Variants in LAMC3 observed in about 807,000 individuals in gnomAD.
LAMC3 encodes laminin subunit gamma 3, also known as laminin subunit gamma-3.
In LAMC3, 128 loss-of-function variants were observed where a neutral mutation model predicts 173.8. That is an observed-to-expected ratio of 0.74 (90% CI 0.64 to 0.85). The LOEUF (loss-of-function observed/expected upper bound fraction) is 0.85. Ranked by LOEUF, LAMC3 falls within the 40% of genes least tolerant of loss-of-function variation. The probability of loss-of-function intolerance (pLI) is 0.00; values close to 1 mark genes in which losing one functional copy is unlikely to be tolerated. For missense variants in LAMC3, 2,022 were observed against 2,156.0 expected (o/e 0.94, Z 1.23); for synonymous variants, 897 against 909.1 (o/e 0.99, Z 0.24).
intron 2 of LAMC3, among the ~76,000 whole-genome samples, chr9:131,027,786 G>A (rs965846882): frequency 3.3e-5 from 5 of 152,350 alleles, no homozygotes; most frequent in East Asian, 1.9e-4. Context: ...AGATACGCGC[G>A]CATGACAGCT....
chr9:131,059,490 CAAAAAAAAAAAAAAAA>C (rs58064050), intron 12 of LAMC3, among the ~76,000 whole-genome samples: 10 of 64,370 alleles, frequency 1.6e-4, no homozygotes, highest in Non-Finnish European at 2.3e-4. Context: ...GACTCCGTCT[CAAAAAAAAAAAAAAAA>C]AAAAAAAAAA....
chr9:131,084,187 T>C (rs1407571466), intron 24 of LAMC3, among the ~76,000 whole-genome samples: 1 of 151,916 alleles, frequency 6.6e-6, no homozygotes, highest in Non-Finnish European at 1.5e-5. Flanking sequence ...CTGGCCTGTA[T>C]TCAGTTCTTT....
chr9:131,010,365 G>A (rs996412899), intron 1 of LAMC3, among the ~76,000 whole-genome samples: 1 of 152,102 alleles, frequency 6.6e-6, no homozygotes, highest in Non-Finnish European at 1.5e-5. Flanking sequence ...AAAAAAAACA[G>A]GACCTGTACC....
At position 131,036,408 on chromosome 9, in the gene LAMC3, G is replaced by A. The variant is rs961405409; in HGVS notation, c.976+76G>A. ...GGCGGGGAAAGGAACTCCCCAAAAC[G>A]TCGTGGTGGGGGCTGCTCCTGGGTA... On this transcript the variant is annotated intron_variant, in intron 4 of 27. Transcript: ENST00000361069. 3.7e-5 allele frequency: 57 copies of A among 1,545,876 alleles called. No individual in the cohort carries two copies. The East Asian group carries it at 4.3e-4, about 12-fold the overall frequency.
At chr9:131,013,995 G>A (rs370957769) in intron 1 of LAMC3, among the ~76,000 whole-genome samples, 1 of 152,230 alleles carries the variant, frequency 6.6e-6, no homozygotes, top group Non-Finnish European at 1.5e-5. Flanking sequence ...TGGCTGGAAC[G>A]CTGGGCCCTG....
chr9:131,042,689 A>T (rs529084054), intron 7 of LAMC3, among the ~76,000 whole-genome samples: 9 of 149,804 alleles, frequency 6.0e-5, no homozygotes, highest in African/African-American at 2.2e-4. Context: ...TAATGGTGCC[A>T]TATCAAACTT....
At chr9:131,033,671 G>A (rs1246925140) in intron 3 of LAMC3, among the ~76,000 whole-genome samples, 1 of 152,188 alleles carries the variant, frequency 6.6e-6, no homozygotes, top group Non-Finnish European at 1.5e-5. Flanking sequence ...GGGGCAGATA[G>A]GAGGAGAGAG....
At position 131,085,544 on chromosome 9, in the gene LAMC3, C is replaced by T. The variant is rs749904181; in HGVS notation, c.4051C>T (p.Arg1351Trp). The T allele has an allele frequency of 3.6e-5, 58 of 1,613,870 alleles. No homozygotes were observed. The Middle Eastern group carries it at 8.2e-4, about 23-fold the overall frequency. The change falls in exon 25 of 28, where the codon CGG becomes TGG. Residue 1351 changes from arginine to tryptophan, a missense_variant. By Grantham distance (101) the Arg-to-Trp change is moderately radical. Coordinates refer to ENST00000361069, the MANE Select transcript of LAMC3 (RefSeq NM_006059.4). ...TGCAGGAATGAAGCTGCAGTTTCCC[C>T]GGCCCAAGGACCAGGCGGCATTGCA... ...DLEGMKLQFP[R>W]PKDQAALQRK...
chr9:131,060,601 CCACTG>C (rs1277175722), intron 12 of LAMC3, among the ~76,000 whole-genome samples: 1 of 151,902 alleles, frequency 6.6e-6, no homozygotes, highest in Non-Finnish European at 1.5e-5. Context: ...CCAAATTGCA[CCACTG>C]CACTCCAGCC....
chr9:131,031,965 T>C (rs1833831744), intron 2 of LAMC3, 80 bp from the exon 3 acceptor site: 11 of 1,612,156 alleles, frequency 6.8e-6, no homozygotes, highest in Non-Finnish European at 9.3e-6. Flanking sequence ...GGCAGCCAGC[T>C]GGATCTGCCA....
intron 15 of LAMC3, among the ~76,000 whole-genome samples, 154 bp downstream of exon 15, chr9:131,068,385 G>A (rs1339998577): frequency 2.0e-5 from 3 of 152,190 alleles, no homozygotes; most frequent in Non-Finnish European, 4.4e-5. Flanking sequence ...CAAAGGGATG[G>A]ACTCTTGGCA....
chr9:131,091,456 G>C, intron 27 of LAMC3, 81 bp from the exon 28 acceptor site: 1 of 1,524,390 alleles, frequency 6.6e-7, no homozygotes, highest in South Asian at 1.2e-5. Flanking sequence ...CCTGAGCTGG[G>C]GAGAGGCTCA....
intron 1 of LAMC3, among the ~76,000 whole-genome samples, chr9:131,012,052 C>A (rs889686190): frequency 1.5e-5 from 2 of 130,318 alleles, no homozygotes; most frequent in Non-Finnish European, 3.1e-5. Flanking sequence ...AGAGCGAACA[C>A]ACACACACAT....
intron 1 of LAMC3, among the ~76,000 whole-genome samples, chr9:131,023,581 G>A (rs886206773): frequency 2.0e-5 from 3 of 152,158 alleles, no homozygotes; most frequent in African/African-American, 7.2e-5. Context: ...CCACTTTGCA[G>A]AAATGTCTAT....
At chr9:131,087,648 A>G (rs1554723603) in intron 26 of LAMC3, 26 bp downstream of exon 26, 1 of 1,613,800 alleles carries the variant, frequency 6.2e-7, no homozygotes, top group Non-Finnish European at 8.5e-7. Flanking sequence ...CCCCTACCCT[A>G]TCGCCTCCTG....
At chr9:131,078,811 G>C (rs1175386106) in intron 22 of LAMC3, among the ~76,000 whole-genome samples, 1 of 152,222 alleles carries the variant, frequency 6.6e-6, no homozygotes, top group African/African-American at 2.4e-5. Context: ...GTGTGGGTCA[G>C]GGAGGTTAGC....
intron 8 of LAMC3, 111 bp downstream of exon 8, chr9:131,045,771 C>T: frequency 3.8e-6 from 5 of 1,317,394 alleles, no homozygotes; most frequent in East Asian, 2.3e-5. Context: ...GGAGAGGAGC[C>T]ACAGGCCTGC....
intron 17 of LAMC3, among the ~76,000 whole-genome samples, chr9:131,071,034 G>T (rs1830028141): frequency 6.6e-6 from 1 of 152,206 alleles, no homozygotes; most frequent in African/African-American, 2.4e-5. Context: ...GCAGGCATTT[G>T]TGCTGAGACT....
intron 17 of LAMC3, among the ~76,000 whole-genome samples, chr9:131,070,317 T>C (rs1308313147): frequency 6.6e-6 from 1 of 152,242 alleles, no homozygotes; most frequent in African/African-American, 2.4e-5. Context: ...AGCCTCTGTC[T>C]CTTTCGTACT....
Sources: gnomAD v4.1 joint callset for allele counts (sites outside exome capture counted in the v4.1 genomes callset) on GRCh38, gnomAD v4.1.1 for gene constraint, MANE v1.5 for transcripts, NCBI Gene and HGNC (gene_info 2026-07-23, HGNC 2026-07-21) for gene names.